The following ZNF462 variants were observed in gnomAD, a reference collection of about 807,000 sequenced individuals.
ZNF462 encodes zinc finger protein 462.
ZNF462 carries 10 observed loss-of-function variants against 201.9 expected under a neutral mutation model. That is an observed-to-expected ratio of 0.05 (90% CI 0.03 to 0.08). The LOEUF (loss-of-function observed/expected upper bound fraction) is 0.08, where lower values mean the gene tolerates loss of function less well. Ranked by LOEUF, ZNF462 falls within the 10% of genes least tolerant of loss-of-function variation. ZNF462 has a pLI of 1.00. For synonymous variants in ZNF462, 1,227 were observed against 1,193.3 expected, an observed-to-expected ratio of 1.03 and a Z score of -0.58; for missense variants, 2,523 against 3,168.3, an observed-to-expected ratio of 0.80 and a Z score of 4.89.
At position 106,925,700 on chromosome 9, in the gene ZNF462, T is replaced by C. The variant is rs973780111; in HGVS notation, c.1788T>C (p.Pro596=). ...CACAGCCACCCACACAAGCCGCACC[T>C]CTGCACCCATACAAATGCACCATGT... is the stretch of plus-strand genomic sequence containing the variant. ...QQPQPPTQAA[P]LHPYKCTMCN... The change falls in exon 3 of 13, where the codon CCT becomes CCC. Residue 596 remains proline, a synonymous_variant. Transcript: ENST00000277225. This position sits in a 1 kb window ranked among gnomAD's most constrained non-coding sequence, Gnocchi z 7.9. The C allele has an allele frequency of 6.2e-7, 1 of 1,613,934 alleles. No homozygotes were observed. The highest frequency in any genetic ancestry group is 8.5e-7 in the Non-Finnish European group (1 of 1,180,038).
Position 106,923,687 on chromosome 9 carries a change from A to C in ZNF462, c.220+84A>C. The C allele has an allele frequency of 7.0e-7, 1 of 1,432,020 alleles. No individual in the cohort carries two copies. The highest frequency in any genetic ancestry group is 9.6e-7 in the Non-Finnish European group (1 of 1,036,298). The allele number at this position is 1,432,020 out of a possible 1,614,324, so 88.7% of individuals were successfully genotyped here. On this transcript the variant is annotated intron_variant, in intron 2 of 12. Transcript: ENST00000277225. This position sits in a 1 kb window ranked among gnomAD's most constrained non-coding sequence, Gnocchi z 5.6. ...AGCCTGTAGCCATGGTTCTTAATAT[A>C]CGTGGCTTTTGCAGAGTTTCTTGTG...
At chr9:106,959,448 T>G (rs1255748637) in intron 7 of ZNF462, among the ~76,000 whole-genome samples, 1 of 152,114 alleles carries the variant, frequency 6.6e-6, no homozygotes, top group African/African-American at 2.4e-5. Flanking sequence ...CAGACTTCAT[T>G]GCTGTGGAAC....
intron 1 of ZNF462, among the ~76,000 whole-genome samples, chr9:106,868,633 C>T (rs1827450863): frequency 6.6e-6 from 1 of 152,174 alleles, no homozygotes; most frequent in Admixed American, 6.5e-5. Context: ...GATGAAGTCT[C>T]CTCCTTCCAC....
At position 106,938,873 on chromosome 9, in the gene ZNF462, C is replaced by T. The variant is rs2131615434; in HGVS notation, c.6236-43C>T. 2 of 1,552,030 alleles carry T rather than the reference C, an allele frequency of 1.3e-6. No homozygotes were observed. The highest frequency in any genetic ancestry group is 4.5e-5 in the East Asian group (2 of 44,006). ...TCCACCCTGGCCTTATACCCTTCTC[C>T]CCTCTTTTTCCTGTTCTATTTCTTG... On this transcript the variant is annotated intron_variant, in intron 6 of 12. Transcript: ENST00000277225. This position sits in a 1 kb window ranked among gnomAD's most constrained non-coding sequence, Gnocchi z 4.4.
rs1216210562 is a variant in ZNF462 at position 106,926,096 on chromosome 9, A to C, written c.2184A>C (p.Glu728Asp). Reference protein sequence around the residue: ...INVEDDEEEEEDNEVEIEVEL... With the variant: ...INVEDDEEEEDDNEVEIEVEL... ...TTGAGGATGATGAAGAGGAAGAGGAAGACAACGAAGTCGAGATAGAGGTTG... is the reference window on the plus strand; with the variant it reads ...TTGAGGATGATGAAGAGGAAGAGGACGACAACGAAGTCGAGATAGAGGTTG... The change falls in exon 3 of 13, where the codon GAA becomes GAC. Residue 728 changes from glutamate (E) to aspartate (D), a missense_variant. Glu to Asp is a conservative substitution (Grantham distance 45, BLOSUM62 2). This residue lies in a region of ZNF462 where 383 missense variants were observed against 453.4 expected (regional missense o/e 0.84). Transcript: ENST00000277225. The surrounding 1 kb of genome is among the most constrained non-coding windows in gnomAD (Gnocchi z 7.9). 1.2e-6 allele frequency: 2 copies of C among 1,614,254 alleles called. No individual in the cohort carries two copies. The highest frequency in any genetic ancestry group is 2.2e-5 in the South Asian group (2 of 91,082).
chr9:106,945,502 G>A (rs1164406302), intron 7 of ZNF462, among the ~76,000 whole-genome samples: 3 of 151,996 alleles, frequency 2.0e-5, no homozygotes, highest in African/African-American at 7.2e-5. Flanking sequence ...AAATGAGGTG[G>A]TTTCTTTAAA....
In ZNF462 at chr9:106,974,590, G is replaced by A. The variant is rs2132081256; in HGVS notation, c.6832+317G>A. On this transcript the variant is annotated intron_variant, in intron 9 of 12. Transcript: ENST00000277225. This position sits in a 1 kb window ranked among gnomAD's most constrained non-coding sequence, Gnocchi z 4.0. Reference sequence around the variant, plus strand: ...ACAGCCTTGCGTAGACTGCATAGAAGGAATGAACAAGAAACAAAATGGGTG... The same window carrying A: ...ACAGCCTTGCGTAGACTGCATAGAAAGAATGAACAAGAAACAAAATGGGTG... 2.6e-6 allele frequency: 1 copy of A among 389,716 alleles called. No homozygotes were observed. The highest frequency in any genetic ancestry group is 2.5e-5 in the South Asian group (1 of 40,562). 24.1% of individuals were successfully genotyped at this position (389,716 alleles called of 1,614,324 possible).
chr9:106,864,460 T>C (rs533558487), intron 1 of ZNF462, among the ~76,000 whole-genome samples: 86 of 152,042 alleles, frequency 5.7e-4, no homozygotes, highest in African/African-American at 2.0e-3. Context: ...CCGCCCCCCA[T>C]TGGAGCAGCC....
rs994686646 is a variant in ZNF462 at position 106,963,916 on chromosome 9, C to T, written c.6428-8089C>T. On this transcript the variant is annotated intron_variant, in intron 7 of 12. Transcript: ENST00000277225. This position sits in a 1 kb window ranked among gnomAD's most constrained non-coding sequence, Gnocchi z 4.7. Reference sequence around the variant, plus strand: ...GTATGGGTTTGACTGCTCTAGGTGCCTCATGGAAGTGGCATCGTGCAGTAT... The same window carrying T: ...GTATGGGTTTGACTGCTCTAGGTGCTTCATGGAAGTGGCATCGTGCAGTAT... Among the ~76,000 whole-genome samples, 2 of 151,952 alleles carry T rather than the reference C, an allele frequency of 1.3e-5. No individual in the cohort carries two copies. The highest frequency in any genetic ancestry group is 1.9e-4 in the East Asian group (1 of 5,164).
chr9:106,867,512 C>T (rs966956921), intron 1 of ZNF462, among the ~76,000 whole-genome samples: 3 of 151,904 alleles, frequency 2.0e-5, no homozygotes, highest in African/African-American at 7.3e-5. Context: ...AATTCATTGA[C>T]CATATTCCCC....
At position 107,003,498 on chromosome 9, in the gene ZNF462, G is replaced by A. The variant is rs1289035594; in HGVS notation, c.7189+72G>A. 5.1e-6 allele frequency: 8 copies of A among 1,570,534 alleles called. No homozygotes were observed. The highest frequency in any genetic ancestry group is 6.9e-6 in the Non-Finnish European group (8 of 1,158,894). ...CCGTAGTGAGACAGAAGGGAGGCAG[G>A]AGGTTGTTGTAGGAGTAACAGAAGG... On this transcript the variant is annotated intron_variant, in intron 11 of 12. Coordinates refer to ENST00000277225, the MANE Select transcript of ZNF462 (RefSeq NM_021224.6). This position sits in a 1 kb window ranked among gnomAD's most constrained non-coding sequence, Gnocchi z 4.4.
chr9:106,991,935 T>C (rs1214874299), intron 10 of ZNF462, among the ~76,000 whole-genome samples: 1 of 150,592 alleles, frequency 6.6e-6, no homozygotes, highest in Non-Finnish European at 1.5e-5. Flanking sequence ...TATAAAACTT[T>C]CAGAAGAATA....
chr9:106,915,966 A>T (rs2131353393), intron 1 of ZNF462, among the ~76,000 whole-genome samples: 1 of 152,330 alleles, frequency 6.6e-6, no homozygotes, highest in African/African-American at 2.4e-5. Flanking sequence ...GCTCAGAATC[A>T]TTCTCGTCTA....
At chr9:106,894,754 G>A (rs1828739740) in intron 1 of ZNF462, among the ~76,000 whole-genome samples, 1 of 152,138 alleles carries the variant, frequency 6.6e-6, no homozygotes, top group Non-Finnish European at 1.5e-5. Context: ...TGGATATGGT[G>A]CTGTAAGTCT....
At chr9:106,906,172 G>C (rs932435722) in intron 1 of ZNF462, among the ~76,000 whole-genome samples, 1 of 152,218 alleles carries the variant, frequency 6.6e-6, no homozygotes, top group Admixed American at 6.5e-5. Context: ...TTCTCCAGTG[G>C]GGGGTGTGTG....
chr9:106,914,316 G>A (rs1829678981), intron 1 of ZNF462, among the ~76,000 whole-genome samples: 1 of 152,168 alleles, frequency 6.6e-6, no homozygotes, highest in Non-Finnish European at 1.5e-5. Context: ...GACATTTGGA[G>A]CTAGATAATT....
chr9:106,920,639 A>G lies in ZNF462; in HGVS notation c.-30-2715A>G, dbSNP rs1829953126. Among the ~76,000 whole-genome samples, 1 of 152,168 alleles carries G rather than the reference A, an allele frequency of 6.6e-6. No individual in the cohort carries two copies. On this transcript the variant is annotated intron_variant, in intron 1 of 12. Transcript: ENST00000277225. The surrounding 1 kb of genome is among the most constrained non-coding windows in gnomAD (Gnocchi z 4.3). Reference sequence around the variant, plus strand: ...TTCCAAATCAGTGACTCTTTTTCTGATCTCATAACCCTTTAATCTCCTTTG... The same window carrying G: ...TTCCAAATCAGTGACTCTTTTTCTGGTCTCATAACCCTTTAATCTCCTTTG...
In ZNF462 at chr9:106,926,542, T is replaced by G; in HGVS notation, c.2630T>G (p.Leu877Trp). Residue 877 changes from leucine (L) to tryptophan (W), a missense_variant, in exon 3 of 13, where the codon TTG becomes TGG. Physicochemically the swap from Leu to Trp is moderately conservative, Grantham distance 61 (BLOSUM62 -2). Around this residue, in one of 15 missense-constraint regions of ZNF462, gnomAD observed 280 missense variants for 321.3 expected, o/e 0.87. Coordinates refer to ENST00000277225, the MANE Select transcript of ZNF462 (RefSeq NM_021224.6). This position sits in a 1 kb window ranked among gnomAD's most constrained non-coding sequence, Gnocchi z 7.9. ...PYIKFSFRYILDPNDHSAVYR... is the reference protein window; with the variant it reads ...PYIKFSFRYIWDPNDHSAVYR... Reference sequence around the variant, plus strand: ...ATTAAATTCAGCTTTAGGTACATCTTGGACCCCAATGATCACAGTGCAGTG... The same window carrying G: ...ATTAAATTCAGCTTTAGGTACATCTGGGACCCCAATGATCACAGTGCAGTG... The G allele has an allele frequency of 1.2e-6, 2 of 1,614,156 alleles. No homozygotes were observed. The highest frequency in any genetic ancestry group is 1.7e-6 in the Non-Finnish European group (2 of 1,180,034).
At position 107,013,162 on chromosome 9, in the gene ZNF462, CTTTA is replaced by C. The variant is rs1830021400; in HGVS notation, c.*2136_*2139del. On this transcript the variant is annotated 3_prime_UTR_variant, in exon 13 of 13. Coordinates refer to ENST00000277225, the MANE Select transcript of ZNF462 (RefSeq NM_021224.6). ...TAATTGTGACATGCTTTTATCACTA[CTTTA>C]TTTTTCAAATAACATGTAAATATTG... The C allele has an allele frequency of 6.6e-6, 1 of 151,738 alleles. No homozygotes were observed. The highest frequency in any genetic ancestry group is 2.1e-4 in the South Asian group (1 of 4,802). 9.4% of individuals were successfully genotyped at this position (151,738 alleles called of 1,614,324 possible). A position where few individuals can be genotyped will look rare whatever the true frequency, so the allele number is the denominator to read the frequency against.
Sources: gnomAD v4.1 joint callset for allele counts (sites outside exome capture counted in the v4.1 genomes callset) on GRCh38, gnomAD v4.1.1 for gene constraint, gnomAD v4.1.1 regional missense constraint, Gnocchi (gnomAD v3.1) non-coding constraint, MANE v1.5 for transcripts, NCBI Gene and HGNC (gene_info 2026-07-23, HGNC 2026-07-21) for gene names.